RAB3C: variants seen among roughly 807,000 people sequenced by gnomAD.
RAB3C encodes the protein ras-related protein Rab-3C.
In RAB3C, 17 loss-of-function variants were observed where a neutral mutation model predicts 26.4. That is an observed-to-expected ratio of 0.64 (90% CI 0.44 to 0.97). RAB3C has a LOEUF of 0.97. Ranked by LOEUF, RAB3C falls within the 50% of genes least tolerant of loss-of-function variation. The pLI is 0.00. For missense variants in RAB3C, 242 were observed against 281.9 expected (o/e 0.86, Z 1.01); for synonymous variants, 91 against 95.9 (o/e 0.95, Z 0.30).
At chr5:58,739,857 T>C (rs924915410) in intron 3 of RAB3C, among the ~76,000 whole-genome samples, 1 of 152,240 alleles carries the variant, frequency 6.6e-6, no homozygotes, top group Non-Finnish European at 1.5e-5. Context: ...AATTTTTATT[T>C]ATAAACACCA....
chr5:58,622,101 A>C (rs955839736), intron 2 of RAB3C, among the ~76,000 whole-genome samples: 9 of 152,190 alleles, frequency 5.9e-5, no homozygotes, highest in Non-Finnish European at 8.8e-5. Flanking sequence ...CTGTGGAAGC[A>C]GGAAAGAATG....
chr5:58,696,896 A>C (rs1199589022), intron 2 of RAB3C, among the ~76,000 whole-genome samples: 1 of 151,998 alleles, frequency 6.6e-6, no homozygotes, highest in Non-Finnish European at 1.5e-5. Context: ...TGATTTTTTG[A>C]AGGGTTTTTT....
intron 2 of RAB3C, among the ~76,000 whole-genome samples, chr5:58,703,213 G>A (rs1171041791): frequency 5.3e-5 from 8 of 151,900 alleles, no homozygotes; most frequent in South Asian, 2.1e-4. Context: ...ACGGAATTTC[G>A]TTCTTGTTGC....
At chr5:58,702,739 C>A (rs987322529) in intron 2 of RAB3C, among the ~76,000 whole-genome samples, 8 of 152,080 alleles carry the variant, frequency 5.3e-5, no homozygotes, top group Non-Finnish European at 2.9e-5. Flanking sequence ...GATACAATAG[C>A]CTTTGTAGAA....
chr5:58,701,000 T>TTATG (rs1368375769), intron 2 of RAB3C, among the ~76,000 whole-genome samples: 2 of 151,586 alleles, frequency 1.3e-5, no homozygotes, highest in African/African-American at 4.8e-5. Context: ...ATTTATTTAT[T>TTATG]TATTTATTTA....
chr5:58,797,084 A>G (rs886729341), intron 3 of RAB3C, among the ~76,000 whole-genome samples: 1 of 151,820 alleles, frequency 6.6e-6, no homozygotes, highest in Non-Finnish European at 1.5e-5. Context: ...TATTTAACTA[A>G]TAATTCCACT....
At chr5:58,725,801 G>C (rs1740877405) in intron 2 of RAB3C, among the ~76,000 whole-genome samples, 1 of 151,696 alleles carries the variant, frequency 6.6e-6, no homozygotes, top group South Asian at 2.1e-4. Flanking sequence ...CATGTACCCT[G>C]AAAATATCTA....
intron 2 of RAB3C, among the ~76,000 whole-genome samples, chr5:58,658,956 G>A (rs534467671): frequency 2.6e-5 from 4 of 152,246 alleles, no homozygotes; most frequent in East Asian, 1.9e-4. Context: ...AGAGCAAGTC[G>A]CAAGTCCAGC....
At position 58,744,632 on chromosome 5, in the gene RAB3C, T is replaced by C. The variant is rs544495786; in HGVS notation, c.371+18512T>C. Among the ~76,000 whole-genome samples, 6 of 152,222 alleles carry C rather than the reference T, an allele frequency of 3.9e-5. No individual in the cohort carries two copies. In the South Asian group the frequency reaches 1.2e-3, roughly 32 times the overall value. ...AGAGGCAAGGCCATAGTTTCTGAAC[T>C]TTGAAAGCTTCTGAATTGGCACAGG... is the stretch of plus-strand genomic sequence containing the variant. On this transcript the variant is annotated intron_variant, in intron 3 of 4. Transcript: ENST00000282878.
chr5:58,739,506 T>G (rs546231811), intron 3 of RAB3C, among the ~76,000 whole-genome samples: 1 of 152,040 alleles, frequency 6.6e-6, no homozygotes, highest in Admixed American at 6.6e-5. Flanking sequence ...TATGTACCCC[T>G]TCTTAAAAAC....
chr5:58,692,609 GA>G lies in RAB3C; in HGVS notation c.253-33391del, dbSNP rs150188356. On this transcript the variant is annotated intron_variant, in intron 2 of 4. Transcript: ENST00000282878. ...GTGATAATAGCACTTCATTCAAATA[GA>G]AGTAAGCATCAATATCCACCACCCC... Among the ~76,000 whole-genome samples the G allele has an allele frequency of 4.0e-3, 610 of 152,144 alleles. 4 individuals carry two copies. The highest frequency in any genetic ancestry group is 9.4e-3 in the Admixed American group (144 of 15,270).
At chr5:58,631,157 G>T (rs902285593) in intron 2 of RAB3C, among the ~76,000 whole-genome samples, 9 of 152,182 alleles carry the variant, frequency 5.9e-5, no homozygotes, top group African/African-American at 2.2e-4. Flanking sequence ...GCAAAGGACT[G>T]GAAAATAGGT....
chr5:58,750,361 T>C (rs1741495971), intron 3 of RAB3C, among the ~76,000 whole-genome samples: 1 of 152,380 alleles, frequency 6.6e-6, no homozygotes, highest in African/African-American at 2.4e-5. Flanking sequence ...CAAGGGCAGC[T>C]ATCTCATTTT....
At chr5:58,668,019 C>T (rs1471963630) in intron 2 of RAB3C, among the ~76,000 whole-genome samples, 1 of 152,106 alleles carries the variant, frequency 6.6e-6, no homozygotes, top group Non-Finnish European at 1.5e-5. Flanking sequence ...ATTCTTGTAA[C>T]TTGGGTGTAA....
chr5:58,824,942 TGCTACCATCATCATCTGTGGAA>T, intron 3 of RAB3C, 74 bp from the exon 4 acceptor site: 1 of 861,096 alleles, frequency 1.2e-6, no homozygotes, highest in Non-Finnish European at 1.8e-6. Flanking sequence ...TTTTTCCTTT[TGCTACCATCATCATCTGTGGAA>T]TGTATTTCTT....
intron 2 of RAB3C, among the ~76,000 whole-genome samples, chr5:58,704,640 A>C (rs758837199): frequency 6.6e-6 from 1 of 152,178 alleles, no homozygotes; most frequent in Non-Finnish European, 1.5e-5. Context: ...TCAGAACAAC[A>C]GTCATTAAAA....
At chr5:58,766,269 A>G (rs960786361) in intron 3 of RAB3C, among the ~76,000 whole-genome samples, 1 of 152,070 alleles carries the variant, frequency 6.6e-6, no homozygotes, top group Non-Finnish European at 1.5e-5. Flanking sequence ...GGCGTGTGCC[A>G]CCACATTCAG....
rs948997186 is a variant in RAB3C, at chr5:58,706,407, A to C, written c.253-19595A>C. 1.3e-5 allele frequency among the ~76,000 whole-genome samples: 2 copies of C among 152,238 alleles called. 1 individual carries two copies. Among genetic ancestry groups the C allele is most frequent in the African/African-American group, 4.8e-5 (2 of 41,472 alleles). On this transcript the variant is annotated intron_variant, in intron 2 of 4. Transcript: ENST00000282878. Reference sequence around the variant, plus strand: ...CTGAAATTTATAGGATAGGAAAAGCAGAAAAGCAGTAACAACAGACTTATT... The same window carrying C: ...CTGAAATTTATAGGATAGGAAAAGCCGAAAAGCAGTAACAACAGACTTATT...
intron 1 of RAB3C, among the ~76,000 whole-genome samples, chr5:58,604,188 T>C (rs1389362104): frequency 6.6e-6 from 1 of 152,166 alleles, no homozygotes; most frequent in East Asian, 1.9e-4. Flanking sequence ...GGTGTGGATA[T>C]CAGTGCCTAT....
Sources: allele counts gnomAD v4.1 joint callset (sites outside exome capture counted in the v4.1 genomes callset), GRCh38; gene constraint gnomAD v4.1.1; transcripts MANE v1.5; gene names NCBI Gene and HGNC (gene_info 2026-07-23, HGNC 2026-07-21).